Variants in SMAD5 observed in about 807,000 individuals in gnomAD.
SMAD5 encodes MAD, mothers against decapentaplegic homolog 5.
SMAD5 carries 9 observed loss-of-function variants against 43.1 expected under a neutral mutation model. The observed-to-expected ratio is 0.21, with a 90% confidence interval of 0.13 to 0.36. The LOEUF is 0.36. Ranked by LOEUF, SMAD5 falls within the 10% of genes least tolerant of loss-of-function variation. The pLI is 1.00. For missense variants in SMAD5, 348 were observed against 574.0 expected (o/e 0.61, Z 4.02); for synonymous variants, 190 against 192.4 (o/e 0.99, Z 0.10).
At chr5:136,134,132 T>A (rs1236709140) in intron 1 of SMAD5, 2 of 152,038 alleles carry the variant, frequency 1.3e-5, no homozygotes, top group Non-Finnish European at 2.9e-5. Flanking sequence ...GTTTACCTTA[T>A]CTTTCTGTGG....
rs1463560199 is a variant in SMAD5, at chr5:136,147,835, G to C, written c.-241G>C. ...AAGCAATTGATTTTTTTTTTAGAAA[G>C]GAAGCTGTTGAAGTTATTGAAGTAC... On this transcript the variant is annotated 5_prime_UTR_variant, in exon 2 of 8. Transcript: ENST00000545279. 6.6e-6 allele frequency: 1 copy of C among 151,042 alleles called. No homozygotes were observed. Among genetic ancestry groups the C allele is most frequent in the Non-Finnish European group, 1.5e-5 (1 of 67,644 alleles). 9.4% of individuals were successfully genotyped at this position (151,042 alleles called of 1,614,324 possible).
chr5:136,173,568 G>C (rs1055620226), intron 6 of SMAD5, among the ~76,000 whole-genome samples: 1 of 152,088 alleles, frequency 6.6e-6, no homozygotes, highest in South Asian at 2.1e-4. Context: ...TCACTTCTAG[G>C]CATTGATTTT....
At chr5:136,149,481 TC>T (rs1356421852) in intron 2 of SMAD5, among the ~76,000 whole-genome samples, 1 of 151,358 alleles carries the variant, frequency 6.6e-6, no homozygotes, top group Admixed American at 6.6e-5. Context: ...GAACAGTTAA[TC>T]TTTTTTTTTT....
intron 1 of SMAD5, among the ~76,000 whole-genome samples, chr5:136,145,412 T>A (rs889786765): frequency 2.6e-5 from 4 of 151,992 alleles, no homozygotes; most frequent in Admixed American, 1.3e-4. Context: ...GTCAGTGGCT[T>A]GAAAGACAGT....
intron 1 of SMAD5, among the ~76,000 whole-genome samples, chr5:136,143,955 T>C (rs1382965399): frequency 6.6e-6 from 1 of 152,074 alleles, no homozygotes; most frequent in East Asian, 1.9e-4. Context: ...TCTTCCACTT[T>C]CCAGTTATAC....
At chr5:136,173,352 G>A (rs1272070115) in intron 6 of SMAD5, among the ~76,000 whole-genome samples, 1 of 152,096 alleles carries the variant, frequency 6.6e-6, no homozygotes, top group East Asian at 1.9e-4. Flanking sequence ...GAGAAGTTTT[G>A]TTTTTACCCC....
chr5:136,162,303 AG>A lies in SMAD5; in HGVS notation c.656-968del, dbSNP rs368008616. On this transcript the variant is annotated intron_variant, in intron 4 of 7. Transcript: ENST00000545279. The stretch of plus-strand genomic sequence containing the variant: ...ATGGGGAGAATGTTCAGACTCACAC[AG>A]ACGTGGCCCTGGCTGGGAATGGATT... Among the ~76,000 whole-genome samples, 13 of 152,360 alleles carry A rather than the reference AG, an allele frequency of 8.5e-5. No homozygotes were observed. The East Asian group carries it at 2.3e-3, about 27-fold the overall frequency.
chr5:136,153,903 C>A lies in SMAD5; in HGVS notation c.143C>A (p.Ala48Asp). The change falls in exon 3 of 8, where the codon GCC (alanine) becomes GAC (aspartate). Residue 48 changes from alanine to aspartate, a missense_variant. Transcript: ENST00000545279. The part of the protein sequence containing the change: ...LVKKLKKKKG[A>D]MEELEKALSS... Reference sequence around the variant, plus strand: ...AAGAAACTAAAAAAGAAAAAGGGTGCCATGGAGGAACTGGAGAAAGCCTTG... The same window carrying A: ...AAGAAACTAAAAAAGAAAAAGGGTGACATGGAGGAACTGGAGAAAGCCTTG... The A allele has an allele frequency of 6.2e-7, 1 of 1,613,952 alleles. No individual in the cohort carries two copies. The highest frequency in any genetic ancestry group is 8.5e-7 in the Non-Finnish European group (1 of 1,179,926).
At chr5:136,154,774 A>G (rs1225936562) in intron 3 of SMAD5, among the ~76,000 whole-genome samples, 4 of 151,624 alleles carry the variant, frequency 2.6e-5, no homozygotes, top group Non-Finnish European at 4.4e-5. Flanking sequence ...ACTTGTCGAG[A>G]TCACTAGTGA....
intron 3 of SMAD5, 52 bp downstream of exon 3, chr5:136,154,215 C>G: frequency 8.7e-7 from 1 of 1,148,212 alleles, no homozygotes; most frequent in East Asian, 2.8e-5. Context: ...AAAAACCTCT[C>G]TTCCTGATAT....
chr5:136,156,214 A>G (rs1481724975), intron 3 of SMAD5, among the ~76,000 whole-genome samples: 1 of 152,200 alleles, frequency 6.6e-6, no homozygotes, highest in Non-Finnish European at 1.5e-5. Flanking sequence ...AAAGCCAGTA[A>G]GGAAGAGAGG....
chr5:136,153,465 A>AT (rs1319997571), intron 2 of SMAD5, 127 bp from the exon 3 acceptor site: 2 of 221,858 alleles, frequency 9.0e-6, no homozygotes, highest in Non-Finnish European at 1.8e-5. Flanking sequence ...AAATTTATCA[A>AT]TTTTTTGTTT....
intron 2 of SMAD5, among the ~76,000 whole-genome samples, chr5:136,150,130 T>C (rs996704001): frequency 4.0e-5 from 6 of 151,888 alleles, no homozygotes; most frequent in Non-Finnish European, 7.4e-5. Context: ...GGTGTTTACT[T>C]ACTGTTCTTT....
intron 2 of SMAD5, among the ~76,000 whole-genome samples, chr5:136,151,130 CATTTATTTGATAAATGGACACTATTCT>C: frequency 6.6e-6 from 1 of 151,970 alleles, no homozygotes; most frequent in Non-Finnish European, 1.5e-5. Flanking sequence ...TTTTCTTACT[CATTTATTTGATAAATGGACACTATTCT>C]AGGTCCAGGG....
intron 5 of SMAD5, among the ~76,000 whole-genome samples, chr5:136,169,507 G>A: frequency 6.7e-6 from 1 of 149,890 alleles, no homozygotes; most frequent in Non-Finnish European, 1.5e-5. Flanking sequence ...TTGTACCACA[G>A]TTTGTTTATC....
intron 3 of SMAD5, among the ~76,000 whole-genome samples, chr5:136,156,562 CA>C (rs1369021692): frequency 6.6e-6 from 1 of 152,118 alleles, no homozygotes; most frequent in African/African-American, 2.4e-5. Flanking sequence ...ATATGATTCT[CA>C]GTTTCTTACT....
chr5:136,155,466 TC>T (rs1015964420), intron 3 of SMAD5, among the ~76,000 whole-genome samples: 2 of 152,166 alleles, frequency 1.3e-5, no homozygotes, highest in African/African-American at 4.8e-5. Context: ...CGTCTCTTCT[TC>T]CCCTTAACCC....
chr5:136,157,276 A>G (rs1489587822), intron 3 of SMAD5, among the ~76,000 whole-genome samples: 1 of 152,112 alleles, frequency 6.6e-6, no homozygotes. Context: ...GAAAGAGATA[A>G]TGAACATAAG....
intron 1 of SMAD5, chr5:136,133,625 G>C (rs989215279): frequency 6.6e-6 from 1 of 152,450 alleles, no homozygotes; most frequent in Non-Finnish European, 1.5e-5. Flanking sequence ...GAATGCCAAA[G>C]CAGCGTCTTT....
Sources: allele counts gnomAD v4.1 joint callset (sites outside exome capture counted in the v4.1 genomes callset), GRCh38; gene constraint gnomAD v4.1.1; transcripts MANE v1.5; gene names NCBI Gene and HGNC (gene_info 2026-07-23, HGNC 2026-07-21).